Variants in TEAD1 observed in about 807,000 individuals in gnomAD.
The protein encoded by TEAD1 is TEA domain transcription factor 1.
In TEAD1, 9 loss-of-function variants were observed where a neutral mutation model predicts 54.9. The observed-to-expected ratio is 0.16, with a 90% CI of 0.10 to 0.29. TEAD1 has a LOEUF of 0.29. Ranked by LOEUF, TEAD1 falls within the 10% of genes least tolerant of loss-of-function variation. The pLI is 1.00. For missense variants in TEAD1, 387 were observed against 535.9 expected, an observed-to-expected ratio of 0.72 and a Z score of 2.74; for synonymous variants, 200 against 187.8, an observed-to-expected ratio of 1.07 and a Z score of -0.53.
chr11:12,915,580 G>A (rs913475326), intron 10 of TEAD1, among the ~76,000 whole-genome samples: 2 of 152,228 alleles, frequency 1.3e-5, no homozygotes, highest in Admixed American at 6.5e-5. Context: ...GGGCATGGTG[G>A]CCCACGCGTA....
intron 3 of TEAD1, among the ~76,000 whole-genome samples, chr11:12,831,604 C>T (rs765106212): frequency 6.6e-6 from 1 of 151,620 alleles, no homozygotes; most frequent in Non-Finnish European, 1.5e-5. Flanking sequence ...ATAGTGAGAC[C>T]TTATCTCTAC....
intron 3 of TEAD1, among the ~76,000 whole-genome samples, chr11:12,766,607 A>T (rs1026347021): frequency 5.9e-5 from 9 of 152,160 alleles, no homozygotes; most frequent in African/African-American, 2.2e-4. Flanking sequence ...GTCAGTTTTG[A>T]CAAATGTGGT....
At chr11:12,861,188 G>C (rs1425114859) in intron 3 of TEAD1, among the ~76,000 whole-genome samples, 1 of 152,224 alleles carries the variant, frequency 6.6e-6, no homozygotes, top group African/African-American at 2.4e-5. Context: ...TGTCTTGTAT[G>C]AGTGGTTTTT....
chr11:12,894,030 C>T (rs956482407), intron 9 of TEAD1, among the ~76,000 whole-genome samples: 13 of 152,154 alleles, frequency 8.5e-5, no homozygotes, highest in African/African-American at 2.7e-4. Context: ...GACAGACATT[C>T]CAGGCAGGAC....
chr11:12,863,006 AAAAAC>A (rs1385376530), intron 4 of TEAD1, among the ~76,000 whole-genome samples: 1 of 152,160 alleles, frequency 6.6e-6, no homozygotes, highest in Admixed American at 6.5e-5. Flanking sequence ...GTGTTTAACT[AAAAAC>A]AAAAAAAAGA....
chr11:12,687,779 C>T (rs1014434894), intron 2 of TEAD1, among the ~76,000 whole-genome samples: 8 of 152,170 alleles, frequency 5.3e-5, no homozygotes, highest in Non-Finnish European at 8.8e-5. Context: ...TATCCTGCCC[C>T]ATTCACCTCT....
chr11:12,930,717 C>T (rs1365572158), intron 12 of TEAD1, among the ~76,000 whole-genome samples: 2 of 151,594 alleles, frequency 1.3e-5, no homozygotes, highest in Non-Finnish European at 2.9e-5. Context: ...TTTTAAGTTC[C>T]GCAGGTAATT....
At chr11:12,840,355 T>C (rs1947008410) in intron 3 of TEAD1, among the ~76,000 whole-genome samples, 2 of 149,702 alleles carry the variant, frequency 1.3e-5, no homozygotes, top group East Asian at 2.0e-4. Flanking sequence ...TATGGAATGG[T>C]TGTGTAAGGA....
chr11:12,799,774 C>T (rs929311448), intron 3 of TEAD1, among the ~76,000 whole-genome samples: 5 of 152,092 alleles, frequency 3.3e-5, no homozygotes, highest in African/African-American at 1.2e-4. Flanking sequence ...AATTGGGAAA[C>T]CCTATAGTCT....
At chr11:12,697,964 A>G (rs949964181) in intron 2 of TEAD1, among the ~76,000 whole-genome samples, 1 of 150,852 alleles carries the variant, frequency 6.6e-6, no homozygotes, top group Non-Finnish European at 1.5e-5. Context: ...CAAAGGTTGC[A>G]GTGAGCCAAG....
chr11:12,844,217 G>A (rs912117429), intron 3 of TEAD1, among the ~76,000 whole-genome samples: 2 of 152,028 alleles, frequency 1.3e-5, no homozygotes, highest in African/African-American at 2.4e-5. Context: ...GGTCTTTATG[G>A]TAGTGCCGCC....
chr11:12,703,681 G>A (rs1943752186), intron 2 of TEAD1, among the ~76,000 whole-genome samples: 2 of 152,130 alleles, frequency 1.3e-5, no homozygotes, highest in East Asian at 3.9e-4. Flanking sequence ...TCAGTGCTTT[G>A]TTTATAATAG....
rs1450487862 is a variant in TEAD1 at position 12,937,742 on chromosome 11, A to T, written c.*520A>T. On this transcript the variant is annotated 3_prime_UTR_variant, in exon 13 of 13. Coordinates refer to ENST00000527636, the MANE Select transcript of TEAD1 (RefSeq NM_021961.6). ...TTTAGACTTATCTTTGTAACTAATT[A>T]GGGTGGAAGTTATGAAAGAATGTAA... The T allele has an allele frequency of 2.6e-5, 4 of 152,776 alleles. No individual in the cohort carries two copies. Among genetic ancestry groups the T allele is most frequent in the Admixed American group, 1.3e-4 (2 of 15,304 alleles). The allele number at this position is 152,776 out of a possible 1,614,324, so 9.5% of individuals were successfully genotyped here.
chr11:12,759,735 G>T (rs575643345), intron 2 of TEAD1, among the ~76,000 whole-genome samples: 2 of 152,142 alleles, frequency 1.3e-5, no homozygotes, highest in Non-Finnish European at 2.9e-5. Flanking sequence ...GGTGGTGAAT[G>T]CCTGTAATCC....
chr11:12,902,253 C>T (rs945963269), intron 10 of TEAD1, 140 bp downstream of exon 10: 8 of 1,167,822 alleles, frequency 6.9e-6, no homozygotes, highest in East Asian at 4.7e-5. Context: ...CAAGGGAGCA[C>T]GGACTCACAC....
intron 3 of TEAD1, among the ~76,000 whole-genome samples, chr11:12,782,488 G>C (rs1489612363): frequency 6.6e-6 from 1 of 152,202 alleles, no homozygotes; most frequent in Non-Finnish European, 1.5e-5. Context: ...AGAGAAAATA[G>C]GGAGTAACTG....
intron 3 of TEAD1, among the ~76,000 whole-genome samples, chr11:12,773,553 C>T (rs1490595921): frequency 6.6e-6 from 1 of 152,158 alleles, no homozygotes; most frequent in African/African-American, 2.4e-5. Flanking sequence ...TATTTGCCAT[C>T]TGTATATCCT....
At chr11:12,846,705 T>C (rs1947159771) in intron 3 of TEAD1, among the ~76,000 whole-genome samples, 1 of 152,198 alleles carries the variant, frequency 6.6e-6, no homozygotes, top group Admixed American at 6.5e-5. Flanking sequence ...CTTAGAAAAT[T>C]TGTTTTTCTC....
chr11:12,929,548 C>T (rs1029103877), intron 11 of TEAD1, among the ~76,000 whole-genome samples: 4 of 151,446 alleles, frequency 2.6e-5, no homozygotes, highest in African/African-American at 9.7e-5. Context: ...ATGGCTGATA[C>T]GTTTTGATGT....
Sources: gnomAD v4.1 joint callset for allele counts (sites outside exome capture counted in the v4.1 genomes callset) on GRCh38, gnomAD v4.1.1 for gene constraint, MANE v1.5 for transcripts, NCBI Gene and HGNC (gene_info 2026-07-23, HGNC 2026-07-21) for gene names.